SGMS1: variants seen among roughly 807,000 people sequenced by gnomAD.
SGMS1 encodes the protein sphingomyelin synthase 1, also known as phosphatidylcholine:ceramide cholinephosphotransferase 1.
Under a neutral mutation model 46.2 loss-of-function variants are expected in SGMS1, and 13 were observed. The observed-to-expected ratio is 0.28, with a 90% CI of 0.18 to 0.45. The LOEUF is 0.45. SGMS1 is among the 20% of genes least tolerant of loss of function. SGMS1 has a pLI of 1.00. For missense variants in SGMS1, 324 were observed against 519.9 expected (o/e 0.62, Z 3.66); for synonymous variants, 203 against 187.8 (o/e 1.08, Z -0.66).
At chr10:50,353,431 A>T (rs1303775399) in intron 6 of SGMS1, among the ~76,000 whole-genome samples, 1 of 152,304 alleles carries the variant, frequency 6.6e-6, no homozygotes. Context: ...TATTGATGGG[A>T]TGTATCTCAA....
chr10:50,306,863 A>C lies in SGMS1; in HGVS notation c.*279T>G, dbSNP rs1847187597. On this transcript the variant is annotated 3_prime_UTR_variant, in exon 11 of 11. Transcript: ENST00000361781. The stretch of plus-strand genomic sequence containing the variant: ...GCTTACATTTATGCTGCTGCATCAT[A>C]TACAAAGGAACATGGTGGTTGCGGG... 1 of 290,114 alleles carries C rather than the reference A, an allele frequency of 3.4e-6. No individual in the cohort carries two copies. Among genetic ancestry groups the C allele is most frequent in the Non-Finnish European group, 6.4e-6 (1 of 156,768 alleles). The allele number at this position is 290,114 out of a possible 1,614,324, so 18.0% of individuals were successfully genotyped here.
At chr10:50,328,420 T>C (rs548049565) in intron 7 of SGMS1, among the ~76,000 whole-genome samples, 27 of 152,340 alleles carry the variant, frequency 1.8e-4, no homozygotes, top group Admixed American at 1.1e-3. Context: ...TCATACAGTG[T>C]AGCTCCAGTC....
chr10:50,531,970 G>GC (rs1812470506), intron 2 of SGMS1, among the ~76,000 whole-genome samples: 1 of 152,156 alleles, frequency 6.6e-6, no homozygotes, highest in Non-Finnish European at 1.5e-5. Flanking sequence ...CCAAATTCTG[G>GC]CTTGGGACTG....
At chr10:50,312,590 T>G (rs1342970053) in intron 8 of SGMS1, among the ~76,000 whole-genome samples, 3 of 152,146 alleles carry the variant, frequency 2.0e-5, no homozygotes, top group Non-Finnish European at 4.4e-5. Flanking sequence ...AACAGAAAGC[T>G]TTGAGAAAAT....
At chr10:50,308,538 C>T (rs2842084) in intron 9 of SGMS1, among the ~76,000 whole-genome samples, 97,332 of 151,818 alleles carry the variant, frequency 0.64, 32,643 homozygotes, top group African/African-American at 0.84. Flanking sequence ...TTTTGGCCCA[C>T]AGAGCCTAAT....
intron 3 of SGMS1, among the ~76,000 whole-genome samples, chr10:50,500,681 T>A (rs1311201838): frequency 6.6e-6 from 1 of 152,196 alleles, no homozygotes; most frequent in African/African-American, 2.4e-5. Flanking sequence ...CTGAGAAATA[T>A]TCATGTGAAA....
intron 5 of SGMS1, among the ~76,000 whole-genome samples, chr10:50,433,899 C>G (rs1363134137): frequency 1.3e-5 from 2 of 152,142 alleles, no homozygotes; most frequent in Non-Finnish European, 2.9e-5. Flanking sequence ...TCCCTAACCC[C>G]TTCTTACCTC....
At chr10:50,358,523 T>TA (rs1848193074) in intron 6 of SGMS1, among the ~76,000 whole-genome samples, 1 of 152,092 alleles carries the variant, frequency 6.6e-6, no homozygotes, top group South Asian at 2.1e-4. Flanking sequence ...AACCTGTGTC[T>TA]ACTAAAAATA....
chr10:50,520,762 G>A (rs2133788595), intron 2 of SGMS1, among the ~76,000 whole-genome samples: 1 of 152,288 alleles, frequency 6.6e-6, no homozygotes, highest in Non-Finnish European at 1.5e-5. Context: ...ACTGCGATAG[G>A]ATTAATGTAT....
intron 6 of SGMS1, among the ~76,000 whole-genome samples, chr10:50,412,212 C>T (rs1849109927): frequency 6.6e-6 from 1 of 152,164 alleles, no homozygotes; most frequent in South Asian, 2.1e-4. Flanking sequence ...GTGAGGTTTA[C>T]ACAATTCAAT....
chr10:50,462,031 C>T (rs1361833533), intron 4 of SGMS1, among the ~76,000 whole-genome samples: 1 of 152,040 alleles, frequency 6.6e-6, no homozygotes, highest in Non-Finnish European at 1.5e-5. Context: ...AGTTTCAGGC[C>T]GGGCATGGTG....
chr10:50,492,434 T>G (rs967952195), intron 3 of SGMS1, among the ~76,000 whole-genome samples: 3 of 152,204 alleles, frequency 2.0e-5, no homozygotes, highest in Non-Finnish European at 4.4e-5. Context: ...AAGCTTAAGC[T>G]GATAAACAAC....
In SGMS1 at chr10:50,344,060, T is replaced by G. The variant is rs1847870918; in HGVS notation, c.55A>C (p.Asn19His). 2.5e-6 allele frequency: 4 copies of G among 1,613,964 alleles called. No individual in the cohort carries two copies. The highest frequency in any genetic ancestry group is 3.4e-6 in the Non-Finnish European group (4 of 1,179,970). Residue 19 changes from asparagine (N) to histidine (H), a missense_variant, in exon 7 of 11, where the codon AAT (asparagine) becomes CAT (histidine). Around this residue, in one of 2 missense-constraint regions of SGMS1, gnomAD observed 150 missense variants for 169.8 expected, o/e 0.88. Coordinates refer to ENST00000361781, the MANE Select transcript of SGMS1 (RefSeq NM_147156.4). The stretch of plus-strand genomic sequence containing the variant: ...GGCTCACAGTATTCTGGCATAGCAT[T>G]CTCCAGCAGCCAGTCTGCCACCTTC... ...PKKVADWLLE[N>H]AMPEYCEPLE...
chr10:50,384,422 T>C (rs544085092), intron 6 of SGMS1, among the ~76,000 whole-genome samples: 1 of 151,532 alleles, frequency 6.6e-6, no homozygotes, highest in East Asian at 1.9e-4. Flanking sequence ...TTCTTTCTCC[T>C]TTCCCTCTTC....
chr10:50,376,589 A>T, intron 6 of SGMS1, among the ~76,000 whole-genome samples: 1 of 152,026 alleles, frequency 6.6e-6, no homozygotes, highest in Non-Finnish European at 1.5e-5. Flanking sequence ...CTGCTCCCCC[A>T]ACCCCACGAT....
In SGMS1 at chr10:50,306,602, A is replaced by G. The variant is rs1183156534; in HGVS notation, c.*540T>C. On this transcript the variant is annotated 3_prime_UTR_variant, in exon 11 of 11. Coordinates refer to ENST00000361781, the MANE Select transcript of SGMS1 (RefSeq NM_147156.4). ...TGCCTTTGCTGATTTTACAAAACCC[A>G]AAGTTACCAAACCTTTCTGTGTCTA... The G allele has an allele frequency of 6.5e-6, 1 of 152,732 alleles. No individual in the cohort carries two copies. The highest frequency in any genetic ancestry group is 2.4e-5 in the African/African-American group (1 of 41,438). The allele number at this position is 152,732 out of a possible 1,614,324, so 9.5% of individuals were successfully genotyped here. A position where few individuals can be genotyped will look rare whatever the true frequency, so the allele number is the denominator to read the frequency against.
At chr10:50,587,968 T>A (rs1384303695) in intron 2 of SGMS1, among the ~76,000 whole-genome samples, 1 of 152,164 alleles carries the variant, frequency 6.6e-6, no homozygotes, top group Non-Finnish European at 1.5e-5. Flanking sequence ...TAGAAAGTTT[T>A]TTAAAATCAC....
At chr10:50,424,155 T>A (rs1440981434) in intron 6 of SGMS1, among the ~76,000 whole-genome samples, 2 of 152,158 alleles carry the variant, frequency 1.3e-5, no homozygotes, top group African/African-American at 4.8e-5. Context: ...TAGATAGGGG[T>A]GGGCTCACAG....
chr10:50,392,410 T>C (rs992944551), intron 6 of SGMS1, among the ~76,000 whole-genome samples: 1 of 152,158 alleles, frequency 6.6e-6, no homozygotes, highest in African/African-American at 2.4e-5. Flanking sequence ...TAGATTTGAG[T>C]CCATTTCTTC....
Sources: gnomAD v4.1 joint callset for allele counts (sites outside exome capture counted in the v4.1 genomes callset) on GRCh38, gnomAD v4.1.1 for gene constraint, gnomAD v4.1.1 regional missense constraint, MANE v1.5 for transcripts, NCBI Gene and HGNC (gene_info 2026-07-23, HGNC 2026-07-21) for gene names.